The following UGT2B4 variants were observed in gnomAD, a reference collection of about 807,000 sequenced individuals.
UGT2B4 encodes the protein UDP-glucuronosyltransferase 2B4.
A neutral mutation model predicts 49.8 loss-of-function variants in UGT2B4; 49 were observed. The ratio of observed to expected loss-of-function variants is 0.98; its 90% confidence interval spans 0.78 to 1.25. UGT2B4 has a LOEUF of 1.25. UGT2B4 is among the 50% of genes most tolerant of loss of function. The pLI, the probability that UGT2B4 is intolerant of heterozygous loss-of-function variation, is 0.00. For synonymous variants in UGT2B4, 246 were observed against 217.7 expected (o/e 1.13, Z -1.14); for missense variants, 729 against 627.7 (o/e 1.16, Z -1.73).
intron 1 of UGT2B4, among the ~76,000 whole-genome samples, chr4:69,519,463 G>A (rs1297761663): frequency 2.0e-5 from 3 of 152,116 alleles, no homozygotes; most frequent in African/African-American, 7.2e-5. Context: ...TTAAGATAGG[G>A]AATGAGTAGC....
rs553385802 is a variant in UGT2B4 at position 69,492,637 on chromosome 4, T to C, written c.870+1056A>G. Among the ~76,000 whole-genome samples the C allele has an allele frequency of 3.2e-4, 49 of 152,244 alleles. No individual in the cohort carries two copies. In the South Asian group the frequency reaches 7.5e-3, roughly 23 times the overall value. Reference sequence around the variant, plus strand: ...TAATATCTCAAGTGACTTACACATGTTAAGTAATTCATAGTATTAGTAATA... The same window carrying C: ...TAATATCTCAAGTGACTTACACATGCTAAGTAATTCATAGTATTAGTAATA... On this transcript the variant is annotated intron_variant, in intron 2 of 5. Transcript: ENST00000305107.
At chr4:69,481,520 T>C (rs1727590829) in intron 5 of UGT2B4, among the ~76,000 whole-genome samples, 1 of 152,188 alleles carries the variant, frequency 6.6e-6, no homozygotes, top group East Asian at 1.9e-4. Context: ...TTTATTTTCT[T>C]TTAATTTTTA....
intron 1 of UGT2B4, among the ~76,000 whole-genome samples, chr4:69,519,251 T>G (rs532360869): frequency 6.6e-6 from 1 of 152,176 alleles, no homozygotes; most frequent in Non-Finnish European, 1.5e-5. Flanking sequence ...CAGCCATGAA[T>G]TGGCATATAA....
Position 69,517,475 on chromosome 4 carries a change from C to T in UGT2B4, c.-106+8212G>A, listed in dbSNP as rs1485368632. ...ATCAAATAAAATCTCTGTTTTAATG[C>T]TGAATATTTCAGTTTATTACTGGTA... is the stretch of plus-strand genomic sequence containing the variant. On this transcript the variant is annotated intron_variant, in intron 1 of 1. Transcript: ENST00000510114. 2.6e-5 allele frequency among the ~76,000 whole-genome samples: 4 copies of T among 152,174 alleles called. No individual in the cohort carries two copies. The East Asian group carries it at 7.7e-4, about 29-fold the overall frequency.
chr4:69,490,940 T>A (rs1577885995), intron 2 of UGT2B4, among the ~76,000 whole-genome samples: 2 of 152,188 alleles, frequency 1.3e-5, no homozygotes, highest in African/African-American at 4.8e-5. Context: ...ATTATTGATG[T>A]GGACTGGTTG....
intron 1 of UGT2B4, among the ~76,000 whole-genome samples, chr4:69,519,933 C>A (rs1560606): frequency 0.95 from 145,028 of 152,262 alleles, 69,477 homozygotes; most frequent in East Asian, 1. Flanking sequence ...AGATGAGGAA[C>A]TATAATCAGA....
upstream of UGT2B4, among the ~76,000 whole-genome samples, chr4:69,498,311 G>C (rs912297536): frequency 1.2e-4 from 18 of 152,098 alleles, 1 homozygote; most frequent in African/African-American, 2.9e-4. Context: ...TATTATAAGT[G>C]GGGGAGTGGG....
chr4:69,501,906 C>A (rs987587402), intron 1 of UGT2B4, among the ~76,000 whole-genome samples: 2 of 151,980 alleles, frequency 1.3e-5, no homozygotes, highest in African/African-American at 4.8e-5. Flanking sequence ...GTGGAGTGGG[C>A]TCATGAGGGA....
intron 5 of UGT2B4, among the ~76,000 whole-genome samples, chr4:69,482,504 A>G (rs1313592077): frequency 6.6e-6 from 1 of 152,200 alleles, no homozygotes; most frequent in East Asian, 1.9e-4. Flanking sequence ...GGACCATTTT[A>G]GTCACTGCTT....
upstream of UGT2B4, chr4:69,496,085 T>G: frequency 2.0e-6 from 1 of 510,716 alleles, no homozygotes. Context: ...TTTTTTTTTT[T>G]TGAGAGCTCA....
upstream of UGT2B4, chr4:69,495,992 C>G: frequency 7.2e-7 from 1 of 1,386,128 alleles, no homozygotes; most frequent in Non-Finnish European, 9.6e-7. Context: ...ATTATATTAA[C>G]AGTCTGAGCA....
chr4:69,490,048 G>T (rs867539556), intron 2 of UGT2B4, among the ~76,000 whole-genome samples: 1 of 152,066 alleles, frequency 6.6e-6, no homozygotes, highest in Non-Finnish European at 1.5e-5. Flanking sequence ...GTTACTCACA[G>T]CTGGGATTAC....
chr4:69,496,033 GA>G (rs1328145103), upstream of UGT2B4: 1 of 1,135,268 alleles, frequency 8.8e-7, no homozygotes, highest in African/African-American at 1.6e-5. Context: ...ATAAAAGGTA[GA>G]TGACCTGTTT....
At position 69,508,769 on chromosome 4, in the gene UGT2B4, C is replaced by T. The variant is rs183114653; in HGVS notation, c.-105-12803G>A. 1.2e-3 allele frequency among the ~76,000 whole-genome samples: 182 copies of T among 152,152 alleles called. 1 individual carries two copies. The highest frequency in any genetic ancestry group is 4.2e-3 in the Admixed American group (64 of 15,262). Reference sequence around the variant, plus strand: ...ACTACAGGGCACTAGGCTTAATACCCGGCTGATAAAATATTATGCACAGCA... The same window carrying T: ...ACTACAGGGCACTAGGCTTAATACCTGGCTGATAAAATATTATGCACAGCA... On this transcript the variant is annotated intron_variant, in intron 1 of 1. Transcript: ENST00000510114.
chr4:69,512,599 A>G (rs1387743190), intron 1 of UGT2B4, among the ~76,000 whole-genome samples: 1 of 152,176 alleles, frequency 6.6e-6, no homozygotes, highest in Admixed American at 6.5e-5. Context: ...TCAAATGGCC[A>G]TTCTGCCTCT....
At chr4:69,500,590 C>A (rs531552295), upstream of UGT2B4, among the ~76,000 whole-genome samples, 298 of 61,064 alleles carry the variant, frequency 4.9e-3, 5 homozygotes, top group Admixed American at 0.036. Flanking sequence ...AGCAAGAAAG[C>A]AAGCAAGAAA....
At chr4:69,519,448 G>A (rs1334967431) in intron 1 of UGT2B4, among the ~76,000 whole-genome samples, 1 of 152,132 alleles carries the variant, frequency 6.6e-6, no homozygotes, top group African/African-American at 2.4e-5. Flanking sequence ...CAAAAAGGCA[G>A]CGTTTTAAGA....
chr4:69,506,358 G>A (rs1212799013), intron 1 of UGT2B4, among the ~76,000 whole-genome samples: 1 of 151,614 alleles, frequency 6.6e-6, no homozygotes, highest in Non-Finnish European at 1.5e-5. Flanking sequence ...AAAGAGAGAA[G>A]ATTCAAATAA....
At chr4:69,506,412 A>G (rs1398355794) in intron 1 of UGT2B4, among the ~76,000 whole-genome samples, 2 of 152,184 alleles carry the variant, frequency 1.3e-5, no homozygotes, top group Non-Finnish European at 2.9e-5. Context: ...CAGACTTGAC[A>G]GAAATAAAAA....
Sources: gnomAD v4.1 joint callset for allele counts (sites outside exome capture counted in the v4.1 genomes callset) on GRCh38, gnomAD v4.1.1 for gene constraint, MANE v1.5 for transcripts, NCBI Gene and HGNC (gene_info 2026-07-23, HGNC 2026-07-21) for gene names.